Variants in BMPR1B observed in about 807,000 individuals in gnomAD.
The protein encoded by BMPR1B is bone morphogenetic protein receptor type 1B.
BMPR1B carries 12 observed loss-of-function variants against 59.1 expected under a neutral mutation model. The ratio of observed to expected loss-of-function variants is 0.20; its 90% CI spans 0.13 to 0.33. The LOEUF is 0.33. BMPR1B is among the 10% of genes least tolerant of loss of function. BMPR1B has a pLI of 1.00. For synonymous variants in BMPR1B, 237 were observed against 207.3 expected (o/e 1.14, Z -1.23); for missense variants, 550 against 610.9 (o/e 0.90, Z 1.05).
At chr4:95,018,068 T>G (rs1327693276) in intron 3 of BMPR1B, among the ~76,000 whole-genome samples, 1 of 152,184 alleles carries the variant, frequency 6.6e-6, no homozygotes, top group African/African-American at 2.4e-5. Context: ...TCAGTTCACA[T>G]TAAGTAAAGC....
intron 2 of BMPR1B, among the ~76,000 whole-genome samples, chr4:94,906,622 G>C (rs767337806): frequency 6.6e-6 from 1 of 151,784 alleles, no homozygotes; most frequent in Non-Finnish European, 1.5e-5. Flanking sequence ...AAACCAGCAC[G>C]TTCTGCACAT....
At chr4:95,023,481 A>G (rs1452836818) in intron 3 of BMPR1B, among the ~76,000 whole-genome samples, 1 of 152,082 alleles carries the variant, frequency 6.6e-6, no homozygotes, top group Non-Finnish European at 1.5e-5. Flanking sequence ...TCCTAGACCC[A>G]AGAAAGCCTT....
chr4:94,831,193 T>A (rs1724570675), intron 1 of BMPR1B, among the ~76,000 whole-genome samples: 1 of 148,344 alleles, frequency 6.7e-6, no homozygotes, highest in Admixed American at 6.8e-5. Context: ...CCTAGGCTAA[T>A]GTGTGTGTGT....
intron 8 of BMPR1B, among the ~76,000 whole-genome samples, chr4:95,128,136 A>G (rs1733039867): frequency 6.6e-6 from 1 of 151,988 alleles, no homozygotes; most frequent in South Asian, 2.1e-4. Flanking sequence ...TCCTCCCTCC[A>G]CAGCCTCCCA....
chr4:95,026,107 T>TTTCCTTCC (rs1206670464), intron 3 of BMPR1B, among the ~76,000 whole-genome samples: 4 of 129,534 alleles, frequency 3.1e-5, no homozygotes, highest in Non-Finnish European at 5.0e-5. Context: ...CATTTCTTTC[T>TTTCCTTCC]TTCTTTCTTT....
At chr4:95,088,145 T>G (rs545251387) in intron 3 of BMPR1B, among the ~76,000 whole-genome samples, 4 of 152,346 alleles carry the variant, frequency 2.6e-5, no homozygotes, top group Admixed American at 1.3e-4. Flanking sequence ...GCTTATTTCT[T>G]GCAATCTATT....
intron 10 of BMPR1B, 94 bp downstream of exon 10, chr4:95,131,606 G>C (rs1337485372): frequency 3.1e-5 from 43 of 1,391,296 alleles, no homozygotes; most frequent in Non-Finnish European, 3.3e-5. Context: ...TAGTAGAAGA[G>C]GAATATCATT....
chr4:94,845,165 A>C (rs1443772592), intron 1 of BMPR1B, among the ~76,000 whole-genome samples: 1 of 152,122 alleles, frequency 6.6e-6, no homozygotes, highest in African/African-American at 2.4e-5. Context: ...TAGAGGTTTT[A>C]ATTATATAAT....
intron 2 of BMPR1B, among the ~76,000 whole-genome samples, chr4:94,930,078 G>C (rs900457398): frequency 6.6e-6 from 1 of 151,900 alleles, no homozygotes; most frequent in Non-Finnish European, 1.5e-5. Flanking sequence ...AGACTGTTTA[G>C]GATTACATCG....
intron 6 of BMPR1B, among the ~76,000 whole-genome samples, chr4:95,122,038 T>A (rs1047548052): frequency 1.3e-5 from 2 of 152,114 alleles, no homozygotes; most frequent in African/African-American, 2.4e-5. Flanking sequence ...TATAATACAG[T>A]TTAGTCTTTA....
At chr4:95,115,843 C>T (rs949607216) in intron 6 of BMPR1B, 56 bp downstream of exon 6, 7 of 1,476,800 alleles carry the variant, frequency 4.7e-6, no homozygotes, top group Non-Finnish European at 6.6e-6. Flanking sequence ...AAAATAAAAA[C>T]TAAAAACTAG....
intron 1 of BMPR1B, among the ~76,000 whole-genome samples, chr4:94,834,788 A>G (rs1351736751): frequency 2.6e-5 from 4 of 152,122 alleles, no homozygotes; most frequent in African/African-American, 9.7e-5. Context: ...TCCATATCTT[A>G]CTCTGAAATG....
chr4:94,904,982 AGT>A (rs758110846), intron 2 of BMPR1B, among the ~76,000 whole-genome samples: 3 of 152,104 alleles, frequency 2.0e-5, no homozygotes, highest in Non-Finnish European at 4.4e-5. Flanking sequence ...GAGCTTTAAA[AGT>A]CTTGGAAGCT....
chr4:95,141,789 C>T (rs1477803671), intron 10 of BMPR1B, among the ~76,000 whole-genome samples: 1 of 152,060 alleles, frequency 6.6e-6, no homozygotes, highest in Non-Finnish European at 1.5e-5. Flanking sequence ...GCTTAGGGCT[C>T]TCTGGTATTA....
At chr4:95,141,739 G>T (rs1389669642) in intron 10 of BMPR1B, among the ~76,000 whole-genome samples, 1 of 152,132 alleles carries the variant, frequency 6.6e-6, no homozygotes, top group Non-Finnish European at 1.5e-5. Flanking sequence ...AGACTTCAGA[G>T]TCAGAACAAA....
At chr4:94,963,160 A>G (rs1730434807) in intron 2 of BMPR1B, among the ~76,000 whole-genome samples, 1 of 151,986 alleles carries the variant, frequency 6.6e-6, no homozygotes, top group African/African-American at 2.4e-5. Context: ...GCCCATTTTT[A>G]ATTGGATTAT....
At chr4:94,821,575 T>A (rs954602581) in intron 1 of BMPR1B, among the ~76,000 whole-genome samples, 25 of 152,050 alleles carry the variant, frequency 1.6e-4, no homozygotes, top group African/African-American at 6.0e-4. Flanking sequence ...ACCAATCAAT[T>A]AAGAGTTCAA....
chr4:94,903,473 T>G (rs1298225720), intron 2 of BMPR1B, among the ~76,000 whole-genome samples: 1 of 151,902 alleles, frequency 6.6e-6, no homozygotes, highest in East Asian at 1.9e-4. Context: ...ACAAATTACT[T>G]CCATAAAAAT....
At chr4:95,099,301 T>G (rs990350876) in intron 3 of BMPR1B, among the ~76,000 whole-genome samples, 5 of 152,194 alleles carry the variant, frequency 3.3e-5, no homozygotes, top group Non-Finnish European at 5.9e-5. Context: ...CATCAGGATA[T>G]GTGACTAATT....
Sources: gnomAD v4.1 joint callset for allele counts (sites outside exome capture counted in the v4.1 genomes callset) on GRCh38, gnomAD v4.1.1 for gene constraint, MANE v1.5 for transcripts, NCBI Gene and HGNC (gene_info 2026-07-23, HGNC 2026-07-21) for gene names.